Variants in RPS5 observed in about 807,000 individuals in gnomAD.
RPS5 encodes the protein ribosomal protein S5, also known as small ribosomal subunit protein uS7.
RPS5 carries 2 observed loss-of-function variants against 20.9 expected under a neutral mutation model. The observed-to-expected ratio is 0.10, with a 90% confidence interval of 0.04 to 0.30. RPS5 has a LOEUF of 0.30. Among genes scored for constraint, RPS5 ranks in the 10% least tolerant of loss-of-function variants. The pLI is 1.00. For synonymous variants in RPS5, 112 were observed against 105.8 expected (o/e 1.06, Z -0.36); for missense variants, 122 against 287.2 (o/e 0.42, Z 4.16).
chr19:58,389,558 G>A (rs2122158102), intron 2 of RPS5, among the ~76,000 whole-genome samples: 1 of 152,100 alleles, frequency 6.6e-6, no homozygotes, highest in South Asian at 2.1e-4. Flanking sequence ...GTAGATCTTG[G>A]CTTTTCTTTC....
chr19:58,388,036 C>A, intron 1 of RPS5, 101 bp from the exon 2 acceptor site: 1 of 751,304 alleles, frequency 1.3e-6, no homozygotes, highest in East Asian at 2.7e-5. Context: ...CCCCCCAGTT[C>A]ATCACTAGAT....
intron 3 of RPS5, 53 bp downstream of exon 3, chr19:58,393,238 G>GC (rs2052375468): frequency 1.2e-6 from 2 of 1,612,500 alleles, no homozygotes; most frequent in Non-Finnish European, 1.7e-6. Context: ...ACACCCGAAA[G>GC]CCCCACGGAG....
Position 58,388,155 on chromosome 19 carries a change from A to G in RPS5, c.18A>G (p.Thr6=). 6.2e-7 allele frequency: 1 copy of G among 1,612,682 alleles called. No individual in the cohort carries two copies. Among genetic ancestry groups the G allele is most frequent in the Non-Finnish European group, 8.5e-7 (1 of 1,179,796 alleles). Residue 6 remains threonine, a synonymous_variant, in exon 2 of 6, where the codon ACA becomes ACG. Transcript: ENST00000196551. The part of the protein sequence containing the change: MTEWE[T]AAPAVAETPD... ...GTCCCAGGATGACCGAGTGGGAGAC[A>G]GCAGCACCAGCGGTGGCAGAGACCC...
intron 4 of RPS5, 142 bp downstream of exon 4, chr19:58,393,629 A>G: frequency 9.2e-7 from 1 of 1,091,402 alleles, no homozygotes; most frequent in Non-Finnish European, 1.3e-6. Flanking sequence ...CTGGATTCCC[A>G]CCCTGCATAG....
chr19:58,387,484 C>T (rs1000945998), intron 1 of RPS5, 145 bp downstream of exon 1: 7 of 152,330 alleles, frequency 4.6e-5, no homozygotes, highest in African/African-American at 1.7e-4. Flanking sequence ...GGCCGAGTTA[C>T]TCTTGACTTC....
chr19:58,393,376 G>A lies in RPS5; in HGVS notation c.336G>A (p.Leu112=), dbSNP rs1471791406. Residue 112 remains leucine, a synonymous_variant, in exon 4 of 6, where the codon CTG becomes CTA. Transcript: ENST00000196551. ...CTCTCTAGAACCCTCTGCAGGTCCTGGTGAACGCCATCATCAACAGTGGTC... is the reference window on the plus strand; with the variant it reads ...CTCTCTAGAACCCTCTGCAGGTCCTAGTGAACGCCATCATCAACAGTGGTC... The part of the protein sequence containing the change: ...LLTGENPLQV[L]VNAIINSGPR... 6.2e-7 allele frequency: 1 copy of A among 1,613,888 alleles called. No individual in the cohort carries two copies. The highest frequency in any genetic ancestry group is 1.3e-5 in the African/African-American group (1 of 75,054).
At position 58,392,982 on chromosome 19, in the gene RPS5, A is replaced by G; in HGVS notation, c.115A>G (p.Ile39Val). Residue 39 changes from isoleucine to valine, a missense_variant, in exon 3 of 6, where the codon ATT (isoleucine) becomes GTT (valine). Transcript: ENST00000196551. ...QINDISLQDY[I>V]AVKEKYAKYL... ...CTGCTCCCTGCTGCCCCAGGATTAC[A>G]TTGCAGTGAAGGAGAAGTATGCCAA... 2 of 1,613,548 alleles carry G rather than the reference A, an allele frequency of 1.2e-6. No individual in the cohort carries two copies. Among genetic ancestry groups the G allele is most frequent in the Non-Finnish European group, 8.5e-7 (1 of 1,179,622 alleles).
intron 4 of RPS5, chr19:58,393,874 A>G (rs969494880): frequency 1.1e-4 from 23 of 203,966 alleles, no homozygotes; most frequent in Admixed American, 1.0e-3. Flanking sequence ...TTATATTCAC[A>G]GCAATAGTCG....
At chr19:58,388,661 G>A (rs1312291180) in intron 2 of RPS5, 1 of 162,074 alleles carries the variant, frequency 6.2e-6, no homozygotes, top group South Asian at 2.3e-4. Flanking sequence ...TTTTTTTTTT[G>A]AGACGGAGTC....
intron 2 of RPS5, among the ~76,000 whole-genome samples, chr19:58,391,432 CAAA>C (rs35576516): frequency 2.6e-5 from 2 of 76,002 alleles, no homozygotes; most frequent in Admixed American, 1.5e-4. Flanking sequence ...AACTCCATCT[CAAA>C]AAAAAAAAAA....
chr19:58,390,002 C>A (rs1360703044), intron 2 of RPS5, among the ~76,000 whole-genome samples: 1 of 149,984 alleles, frequency 6.7e-6, no homozygotes, highest in African/African-American at 2.5e-5. Flanking sequence ...TCAAGCGATT[C>A]TCCTGTCTCA....
Position 58,393,379 on chromosome 19 carries a change from G to A in RPS5, c.339G>A (p.Val113=). 6.2e-7 allele frequency: 1 copy of A among 1,613,850 alleles called. No individual in the cohort carries two copies. Among genetic ancestry groups the A allele is most frequent in the Non-Finnish European group, 8.5e-7 (1 of 1,180,038 alleles). ...TCTAGAACCCTCTGCAGGTCCTGGT[G>A]AACGCCATCATCAACAGTGGTCCCC... ...LTGENPLQVL[V]NAIINSGPRE... Residue 113 remains valine, a synonymous_variant, in exon 4 of 6, where the codon GTG becomes GTA. Coordinates refer to ENST00000196551, the MANE Select transcript of RPS5 (RefSeq NM_001009.4).
chr19:58,391,980 C>G (rs1477341889), intron 2 of RPS5, among the ~76,000 whole-genome samples: 1 of 152,090 alleles, frequency 6.6e-6, no homozygotes, highest in Non-Finnish European at 1.5e-5. Flanking sequence ...GGTTTCCTGT[C>G]TTAGAGAACA....
In RPS5 at chr19:58,394,670, G is replaced by C. The variant is rs376236447; in HGVS notation, c.547-12G>C. ...GGTCCTTCAGAATTCAGAGCTGTGT[G>C]TCTCCTTGCAGGGCTCCTCGAACTC... On this transcript the variant is annotated splice_polypyrimidine_tract_variant and intron_variant, in intron 5 of 5. Transcript: ENST00000196551. 9.9e-6 allele frequency: 16 copies of C among 1,614,006 alleles called. No individual in the cohort carries two copies. The African/African-American group carries it at 2.0e-4, about 20-fold the overall frequency.
chr19:58,394,595 G>A lies in RPS5; in HGVS notation c.546G>A (p.Lys182=). The change falls in exon 5 of 6, where the codon AAG becomes AAA. Residue 182 remains lysine, a splice_region_variant and synonymous_variant. Transcript: ENST00000196551. ...CLADELINAA[K]GSSNSYAIKK... Reference sequence around the variant, plus strand: ...CAGATGAGCTCATCAATGCTGCCAAGGTGGGTGAGGGCACTCCGGTTGGGG... The same window carrying A: ...CAGATGAGCTCATCAATGCTGCCAAAGTGGGTGAGGGCACTCCGGTTGGGG... 6.2e-7 allele frequency: 1 copy of A among 1,614,104 alleles called. No individual in the cohort carries two copies. Among genetic ancestry groups the A allele is most frequent in the Admixed American group, 1.7e-5 (1 of 60,026 alleles).
At chr19:58,391,446 A>C (rs941330217) in intron 2 of RPS5, among the ~76,000 whole-genome samples, 2 of 151,102 alleles carry the variant, frequency 1.3e-5, no homozygotes, top group Admixed American at 6.6e-5. Flanking sequence ...AAAAAAAAAA[A>C]AAAAAACTGG....
intron 4 of RPS5, 148 bp downstream of exon 4, chr19:58,393,635 C>T (rs1489458057): frequency 1.0e-6 from 1 of 999,148 alleles, no homozygotes; most frequent in Non-Finnish European, 1.4e-6. Context: ...TCCCACCCTG[C>T]ATAGGGGCTG....
In RPS5 at chr19:58,393,486, A is replaced by G. The variant is rs770984650; in HGVS notation, c.446A>G (p.Gln149Arg). 1 of 1,609,892 alleles carries G rather than the reference A, an allele frequency of 6.2e-7. No homozygotes were observed. The change falls in exon 4 of 6, where the codon CAG becomes CGG. Residue 149 changes from glutamine to arginine, a missense_variant and splice_region_variant. This residue lies in a region of RPS5 where 24 missense variants were observed against 36.7 expected (regional missense o/e 0.65). Transcript: ENST00000196551. ...VDVSPLRRVN[Q>R]AIWLLCTGAR... ...GTGTCCCCCCTGCGCCGTGTGAACC[A>G]GGTGAGCCTGGGGCTTATGCACGTG... is the stretch of plus-strand genomic sequence containing the variant.
chr19:58,389,294 T>A (rs575434545), intron 2 of RPS5, among the ~76,000 whole-genome samples: 23 of 152,194 alleles, frequency 1.5e-4, no homozygotes, highest in Middle Eastern at 3.2e-3. Flanking sequence ...ATCTTTGAGA[T>A]AAGATCACTC....
Sources: allele counts gnomAD v4.1 joint callset (sites outside exome capture counted in the v4.1 genomes callset), GRCh38; gene constraint gnomAD v4.1.1; regional missense constraint gnomAD v4.1.1; transcripts MANE v1.5; gene names NCBI Gene and HGNC (gene_info 2026-07-23, HGNC 2026-07-21).